Variants in ASXL3 observed in about 807,000 individuals in gnomAD.
The protein encoded by ASXL3 is ASXL transcriptional regulator 3, also known as putative Polycomb group protein ASXL3.
Under a neutral mutation model 170.6 loss-of-function variants are expected in ASXL3, and 34 were observed. That is an observed-to-expected ratio of 0.20 (90% CI 0.15 to 0.27). The LOEUF is 0.27. Among genes scored for constraint, ASXL3 ranks in the 10% least tolerant of loss-of-function variants. The pLI, the probability that ASXL3 is intolerant of heterozygous loss-of-function variation, is 1.00. For missense variants in ASXL3, 2,592 were observed against 2,695.3 expected (o/e 0.96, Z 0.85); for synonymous variants, 1,002 against 989.1 (o/e 1.01, Z -0.24).
chr18:33,654,937 G>A (rs1215741484), intron 4 of ASXL3, among the ~76,000 whole-genome samples: 4 of 151,894 alleles, frequency 2.6e-5, no homozygotes, highest in African/African-American at 7.2e-5. Flanking sequence ...AACTAAATTG[G>A]CCTGGCTGAT....
At chr18:33,686,278 A>G (rs2066595742) in intron 8 of ASXL3, among the ~76,000 whole-genome samples, 1 of 152,246 alleles carries the variant, frequency 6.6e-6, no homozygotes, top group Non-Finnish European at 1.5e-5. Context: ...TTGTGGAAGA[A>G]TAACAGAAGG....
chr18:33,746,624 T>C lies in ASXL3; in HGVS notation c.*29T>C. The stretch of plus-strand genomic sequence containing the variant: ...CTGAGTGAAAGATGCAGTATCCCTT[T>C]TCCACACGGAAAAGCCAAATAGCAT... On this transcript the variant is annotated 3_prime_UTR_variant, in exon 12 of 12. Coordinates refer to ENST00000269197, the MANE Select transcript of ASXL3 (RefSeq NM_030632.3). 1 of 1,529,462 alleles carries C rather than the reference T, an allele frequency of 6.5e-7. No individual in the cohort carries two copies. 94.7% of individuals were successfully genotyped at this position (1,529,462 alleles called of 1,614,324 possible). A position where few individuals can be genotyped will look rare whatever the true frequency, so the allele number is the denominator to read the frequency against.
intron 4 of ASXL3, among the ~76,000 whole-genome samples, chr18:33,654,362 A>G (rs1034195541): frequency 9.9e-5 from 15 of 151,974 alleles, no homozygotes; most frequent in Non-Finnish European, 4.4e-5. Context: ...CAAAACACTC[A>G]TGTTCTTTAA....
At chr18:33,591,327 T>C (rs976310934) in intron 1 of ASXL3, among the ~76,000 whole-genome samples, 1 of 152,180 alleles carries the variant, frequency 6.6e-6, no homozygotes, top group African/African-American at 2.4e-5. Flanking sequence ...GTTCTGAGAA[T>C]TGATGTTTTT....
intron 2 of ASXL3, among the ~76,000 whole-genome samples, chr18:33,609,255 G>T (rs1195349426): frequency 1.3e-5 from 2 of 151,876 alleles, no homozygotes; most frequent in Non-Finnish European, 2.9e-5. Flanking sequence ...TTGTGCCACA[G>T]TCAAAAGAAA....
At chr18:33,727,783 A>G (rs1420861278) in intron 8 of ASXL3, among the ~76,000 whole-genome samples, 3 of 152,190 alleles carry the variant, frequency 2.0e-5, no homozygotes, top group Non-Finnish European at 4.4e-5. Flanking sequence ...AGTATTTCTT[A>G]AAACCCATAA....
chr18:33,709,605 C>T (rs1260335981), intron 8 of ASXL3, among the ~76,000 whole-genome samples: 1 of 152,110 alleles, frequency 6.6e-6, no homozygotes, highest in African/African-American at 2.4e-5. Flanking sequence ...TTAGATTACT[C>T]TTAGGGATTA....
At position 33,578,672 on chromosome 18, in the gene ASXL3, A is replaced by G; in HGVS notation, c.41A>G (p.Glu14Gly). 7.4e-7 allele frequency: 1 copy of G among 1,347,342 alleles called. No individual in the cohort carries two copies. Among genetic ancestry groups the G allele is most frequent in the South Asian group, 1.6e-5 (1 of 62,984 alleles). 83.5% of individuals were successfully genotyped at this position (1,347,342 alleles called of 1,614,324 possible). Reference protein sequence around the residue: ...KRKKKDRTWAEAARLALEKHP... With the variant: ...KRKKKDRTWAGAARLALEKHP... Reference sequence around the variant, plus strand: ...AAGAAGAAGGACCGCACCTGGGCCGAGGCTGCCCGCCTGGTACGTACCGCC... The same window carrying G: ...AAGAAGAAGGACCGCACCTGGGCCGGGGCTGCCCGCCTGGTACGTACCGCC... The change falls in exon 1 of 12, where the codon GAG becomes GGG. Residue 14 changes from glutamate (E) to glycine (G), a missense_variant. Physicochemically the swap from Glu to Gly is moderately conservative, Grantham distance 98 (BLOSUM62 -2). Transcript: ENST00000269197.
At chr18:33,667,877 A>G (rs2066283622) in intron 5 of ASXL3, among the ~76,000 whole-genome samples, 3 of 152,226 alleles carry the variant, frequency 2.0e-5, no homozygotes, top group Admixed American at 1.3e-4. Context: ...ATGCTACCAT[A>G]GAACTGAATA....
At chr18:33,667,659 C>CT (rs2066279493) in intron 5 of ASXL3, among the ~76,000 whole-genome samples, 1 of 152,106 alleles carries the variant, frequency 6.6e-6, no homozygotes, top group Non-Finnish European at 1.5e-5. Context: ...CCTTTGTTGC[C>CT]TCCAGAGAGG....
rs776852292 is a variant in ASXL3 at position 33,743,855 on chromosome 18, C to G, written c.4007C>G (p.Thr1336Ser). The G allele has an allele frequency of 1.2e-6, 2 of 1,614,054 alleles. No homozygotes were observed. The highest frequency in any genetic ancestry group is 2.2e-5 in the South Asian group (2 of 91,088). ...SSSSASNLVS[T>S]QYTSVPTPSI... ...AGCAGTGCTAGTAACTTAGTCTCCA[C>G]TCAGTACACCTCTGTGCCAACTCCC... Residue 1336 changes from threonine (T) to serine (S), a missense_variant, in exon 12 of 12, where the codon ACT becomes AGT. This residue lies in a region of ASXL3 where 2,246 missense variants were observed against 2,219.6 expected (regional missense o/e 1.01). Transcript: ENST00000269197.
chr18:33,731,197 G>C (rs1389534), intron 8 of ASXL3, among the ~76,000 whole-genome samples: 69,962 of 151,968 alleles, frequency 0.46, 16,969 homozygotes, highest in East Asian at 0.85. Context: ...GTGTAGAAAA[G>C]ATCAAAAACA....
chr18:33,738,849 G>A lies in ASXL3; in HGVS notation c.1445G>A (p.Ser482Asn). The change falls in exon 11 of 12, where the codon AGT (serine) becomes AAT (asparagine). Residue 482 changes from serine (S) to asparagine (N), a missense_variant. Around this residue, in one of 4 missense-constraint regions of ASXL3, gnomAD observed 2,246 missense variants for 2,219.6 expected, o/e 1.01. Coordinates refer to ENST00000269197, the MANE Select transcript of ASXL3 (RefSeq NM_030632.3). The part of the protein sequence containing the change: ...TIPEFSEEAE[S>N]LTNSHEEPQI... ...CCTGAATTTTCTGAGGAGGCTGAAAGTCTAACCAATTCTCATGAAGAACCC... is the reference window on the plus strand; with the variant it reads ...CCTGAATTTTCTGAGGAGGCTGAAAATCTAACCAATTCTCATGAAGAACCC... 6.2e-7 allele frequency: 1 copy of A among 1,613,618 alleles called. No homozygotes were observed. The highest frequency in any genetic ancestry group is 1.3e-5 in the African/African-American group (1 of 75,034).
chr18:33,631,832 T>C (rs138943997), intron 2 of ASXL3, among the ~76,000 whole-genome samples: 1 of 152,322 alleles, frequency 6.6e-6, no homozygotes, highest in African/African-American at 2.4e-5. Context: ...TGAAGACCAC[T>C]AACTTGAAAC....
At chr18:33,661,142 C>A (rs947800273) in intron 4 of ASXL3, among the ~76,000 whole-genome samples, 1 of 152,108 alleles carries the variant, frequency 6.6e-6, no homozygotes, top group Non-Finnish European at 1.5e-5. Context: ...AAACATGTCC[C>A]ATAGGTCACA....
At chr18:33,687,078 A>G (rs2066608705) in intron 8 of ASXL3, among the ~76,000 whole-genome samples, 1 of 152,218 alleles carries the variant, frequency 6.6e-6, no homozygotes, top group African/African-American at 2.4e-5. Flanking sequence ...AATGACAGCT[A>G]TGAAATGGGA....
At chr18:33,658,768 G>A (rs1024529313) in intron 4 of ASXL3, among the ~76,000 whole-genome samples, 2 of 152,028 alleles carry the variant, frequency 1.3e-5, no homozygotes, top group African/African-American at 2.4e-5. Flanking sequence ...TGACTACCTA[G>A]GACAGGTATT....
rs1197845851 is a variant in ASXL3, at chr18:33,607,550, A to G, written c.55-44A>G. ...TGATTCACATACATTTTCATTTTGT[A>G]TGCTGCCATGCAATAATCTAGGAAT... On this transcript the variant is annotated intron_variant, in intron 1 of 11. Coordinates refer to ENST00000269197, the MANE Select transcript of ASXL3 (RefSeq NM_030632.3). 1.3e-5 allele frequency: 19 copies of G among 1,410,472 alleles called. No homozygotes were observed. The Admixed American group carries it at 3.2e-4, about 24-fold the overall frequency. 87.4% of individuals were successfully genotyped at this position (1,410,472 alleles called of 1,614,324 possible).
intron 8 of ASXL3, among the ~76,000 whole-genome samples, chr18:33,726,095 G>A (rs2067345549): frequency 6.6e-6 from 1 of 152,132 alleles, no homozygotes; most frequent in Admixed American, 6.6e-5. Context: ...ACCTGATGTA[G>A]TGCTAAAACA....
Sources: allele counts gnomAD v4.1 joint callset (sites outside exome capture counted in the v4.1 genomes callset), GRCh38; gene constraint gnomAD v4.1.1; regional missense constraint gnomAD v4.1.1; transcripts MANE v1.5; gene names NCBI Gene and HGNC (gene_info 2026-07-23, HGNC 2026-07-21).